The following ZNF100 variants were observed in gnomAD, a reference collection of about 807,000 sequenced individuals.
The protein encoded by ZNF100 is zinc finger protein 100.
A neutral mutation model predicts 15.8 loss-of-function variants in ZNF100; 12 were observed. The ratio of observed to expected loss-of-function variants is 0.76; its 90% confidence interval spans 0.49 to 1.23. The LOEUF (loss-of-function observed/expected upper bound fraction) is 1.23. ZNF100 is among the 50% of genes most tolerant of loss of function. The pLI is 0.00. For synonymous variants in ZNF100, 226 were observed against 214.8 expected (o/e 1.05, Z -0.45); for missense variants, 670 against 635.6 (o/e 1.05, Z -0.58).
intron 2 of ZNF100, chr19:21,751,255 C>A: frequency 8.6e-7 from 1 of 1,162,540 alleles, no homozygotes; most frequent in Non-Finnish European, 1.3e-6. Flanking sequence ...CCAGCCTAAC[C>A]TTAGAACCAC....
intron 2 of ZNF100, among the ~76,000 whole-genome samples, chr19:21,758,452 T>C (rs1429970372): frequency 6.6e-6 from 1 of 152,024 alleles, no homozygotes; most frequent in Non-Finnish European, 1.5e-5. Context: ...AAGAATGCAG[T>C]GTAAGTGGAT....
intron 4 of ZNF100, among the ~76,000 whole-genome samples, chr19:21,736,192 A>T (rs1345094775): frequency 6.6e-6 from 1 of 152,126 alleles, no homozygotes; most frequent in African/African-American, 2.4e-5. Flanking sequence ...GGTTCAAGTG[A>T]TTCTCCTGCC....
At chr19:21,751,794 C>T in intron 2 of ZNF100, 1 of 1,215,256 alleles carries the variant, frequency 8.2e-7, no homozygotes. Context: ...AAAGAAAGAG[C>T]ACAGAACCTA....
intron 2 of ZNF100, among the ~76,000 whole-genome samples, chr19:21,761,051 C>T (rs775156791): frequency 1.8e-4 from 27 of 152,000 alleles, no homozygotes; most frequent in Non-Finnish European, 3.4e-4. Flanking sequence ...AGCAACCGTG[C>T]CCGGCCTGAG....
rs1428825739 is a variant in ZNF100, at chr19:21,744,944, A to G, written c.220T>C (p.Leu74=). 1 of 1,606,372 alleles carries G rather than the reference A, an allele frequency of 6.2e-7. No individual in the cohort carries two copies. The highest frequency in any genetic ancestry group is 1.8e-5 in the Admixed American group (1 of 57,004). ...MLENYRNLVF[L]AGIALTKPDL... is the part of the protein sequence containing the mutation. ...TGTGTATTAAAGTTATTCTCACCCA[A>G]GAAGACCAGGTTTCTGTAGTTCTCT... The change falls in exon 3 of 5, where the codon TTG becomes CTG. Residue 74 remains leucine (L), a synonymous_variant. Transcript: ENST00000358296.
intron 4 of ZNF100, among the ~76,000 whole-genome samples, chr19:21,732,537 A>G (rs1266093765): frequency 6.6e-6 from 1 of 152,016 alleles, no homozygotes; most frequent in African/African-American, 2.4e-5. Flanking sequence ...AAACACTGTC[A>G]TACACAATGG....
intron 1 of ZNF100, 108 bp from the exon 2 acceptor site, chr19:21,765,894 G>T: frequency 9.0e-7 from 1 of 1,114,870 alleles, no homozygotes. Context: ...CCCAGGACCA[G>T]GAAAAAACTA....
In ZNF100 at chr19:21,760,372, G is replaced by A. The variant is rs117447710; in HGVS notation, c.96+5322C>T. The stretch of plus-strand genomic sequence containing the variant: ...GCCCTGCATGTGATGGCAGGTGCCT[G>A]TAATCCTAGCTAGTTGGGAGGCTGA... On this transcript the variant is annotated intron_variant, in intron 2 of 4. Transcript: ENST00000358296. 3.9e-5 allele frequency among the ~76,000 whole-genome samples: 6 copies of A among 152,074 alleles called. No individual in the cohort carries two copies. The East Asian group carries it at 1.2e-3, about 29-fold the overall frequency.
intron 2 of ZNF100, chr19:21,753,140 A>G (rs1360858586): frequency 1.3e-5 from 2 of 152,194 alleles, no homozygotes; most frequent in East Asian, 3.8e-4. Context: ...GGTTCCAGCT[A>G]CTTGGGTGGC....
intron 2 of ZNF100, among the ~76,000 whole-genome samples, chr19:21,747,392 G>A (rs1421071505): frequency 5.3e-5 from 8 of 152,206 alleles, no homozygotes; most frequent in African/African-American, 1.9e-4. Flanking sequence ...TTAATGAGAA[G>A]CCTGGGCTGA....
intron 2 of ZNF100, chr19:21,753,072 T>TA (rs1429303471): frequency 5.3e-5 from 8 of 152,186 alleles, no homozygotes; most frequent in Non-Finnish European, 1.0e-4. Context: ...AGCAAAAAAT[T>TA]AAAAGCTTTA....
chr19:21,737,413 T>C (rs1438207213), intron 4 of ZNF100, among the ~76,000 whole-genome samples: 2 of 151,958 alleles, frequency 1.3e-5, no homozygotes, highest in African/African-American at 4.8e-5. Context: ...CTGGTGCTTA[T>C]AATCCCATCT....
intron 4 of ZNF100, among the ~76,000 whole-genome samples, chr19:21,743,593 C>T (rs370540399): frequency 6.7e-6 from 1 of 150,352 alleles, no homozygotes; most frequent in South Asian, 2.2e-4. Flanking sequence ...AACAACGGAA[C>T]AGAAAACACT....
intron 2 of ZNF100, among the ~76,000 whole-genome samples, chr19:21,759,342 C>G (rs773156253): frequency 2.0e-5 from 3 of 152,014 alleles, no homozygotes; most frequent in Non-Finnish European, 4.4e-5. Context: ...TATAGATAAC[C>G]CTGGTAAATA....
chr19:21,751,084 C>A, intron 2 of ZNF100: 3 of 1,435,242 alleles, frequency 2.1e-6, no homozygotes, highest in Non-Finnish European at 2.9e-6. Flanking sequence ...GGAGTCAAAC[C>A]CTTCTGACCA....
chr19:21,726,582 A>G lies in ZNF100; in HGVS notation c.*101T>C, dbSNP rs2035789979. On this transcript the variant is annotated 3_prime_UTR_variant, in exon 5 of 5. Coordinates refer to ENST00000358296, the MANE Select transcript of ZNF100 (RefSeq NM_173531.4). Reference sequence around the variant, plus strand: ...CTGTTAGGAATTGAGAATTTATTAAAGGCTTTGCCATATTCTTCACAGTCA... The same window carrying G: ...CTGTTAGGAATTGAGAATTTATTAAGGGCTTTGCCATATTCTTCACAGTCA... 1 of 1,054,784 alleles carries G rather than the reference A, an allele frequency of 9.5e-7. No individual in the cohort carries two copies. The highest frequency in any genetic ancestry group is 1.6e-5 in the African/African-American group (1 of 62,214). The allele number at this position is 1,054,784 out of a possible 1,614,324, so 65.3% of individuals were successfully genotyped here.
chr19:21,767,395 G>A, intron 1 of ZNF100, 32 bp downstream of exon 1: 2 of 1,609,072 alleles, frequency 1.2e-6, no homozygotes, highest in Non-Finnish European at 8.5e-7. Flanking sequence ...CCCTTTCGCC[G>A]TCTCTCGGGA....
chr19:21,735,831 C>T (rs1018891871), intron 4 of ZNF100, among the ~76,000 whole-genome samples: 4 of 152,126 alleles, frequency 2.6e-5, no homozygotes, highest in African/African-American at 7.2e-5. Context: ...CTCTGTCACC[C>T]AGGCTGGAGT....
In ZNF100 at chr19:21,722,955, T is replaced by A. The variant is rs2035707586; in HGVS notation, c.*3728A>T. On this transcript the variant is annotated 3_prime_UTR_variant, in exon 5 of 5. Transcript: ENST00000358296. ...ACAAAGAACAACTATTCTGATTTAA[T>A]CTTCTCACCTGTGGACAATGTATGC... 10 of 152,170 alleles carry A rather than the reference T, an allele frequency of 6.6e-5. No individual in the cohort carries two copies. Among genetic ancestry groups the A allele is most frequent in the South Asian group, 6.2e-4 (3 of 4,830 alleles). 9.4% of individuals were successfully genotyped at this position (152,170 alleles called of 1,614,324 possible). A position where few individuals can be genotyped will look rare whatever the true frequency, so the allele number is the denominator to read the frequency against.
Sources: allele counts gnomAD v4.1 joint callset (sites outside exome capture counted in the v4.1 genomes callset), GRCh38; gene constraint gnomAD v4.1.1; transcripts MANE v1.5; gene names NCBI Gene and HGNC (gene_info 2026-07-23, HGNC 2026-07-21).